SNX6: variants seen among roughly 807,000 people sequenced by gnomAD.
SNX6 encodes the protein sorting nexin-6.
SNX6 carries 34 observed loss-of-function variants against 63.0 expected under a neutral mutation model. The ratio of observed to expected loss-of-function variants is 0.54; its 90% CI spans 0.41 to 0.72. The LOEUF (loss-of-function observed/expected upper bound fraction) is 0.72. SNX6 is among the 30% of genes least tolerant of loss of function. SNX6 has a pLI of 0.00. For missense variants in SNX6, 398 were observed against 471.4 expected (o/e 0.84, Z 1.44); for synonymous variants, 170 against 164.2 (o/e 1.04, Z -0.27).
chr14:34,601,071 C>T (rs953114669), intron 6 of SNX6, among the ~76,000 whole-genome samples: 2 of 151,836 alleles, frequency 1.3e-5, no homozygotes, highest in Non-Finnish European at 2.9e-5. Flanking sequence ...GTGATCAGCA[C>T]CAATGGTCAG....
intron 7 of SNX6, among the ~76,000 whole-genome samples, chr14:34,593,493 G>C (rs1466311146): frequency 6.6e-6 from 1 of 151,280 alleles, no homozygotes; most frequent in African/African-American, 2.4e-5. Flanking sequence ...TCTGCCTCCC[G>C]GGTTCAAGCG....
At chr14:34,596,147 G>A (rs1882587644) in intron 7 of SNX6, among the ~76,000 whole-genome samples, 1 of 151,814 alleles carries the variant, frequency 6.6e-6, no homozygotes, top group South Asian at 2.1e-4. Context: ...AACCCAGGAG[G>A]CGGAGTTTGC....
intron 2 of SNX6, chr14:34,629,483 G>A (rs1486015931): frequency 2.1e-6 from 1 of 478,754 alleles, no homozygotes. Context: ...GAGACAGAAG[G>A]GTGGGCGGGA....
chr14:34,568,932 G>A, intron 11 of SNX6: 1 of 1,319,118 alleles, frequency 7.6e-7, no homozygotes, highest in Middle Eastern at 1.9e-4. Flanking sequence ...CACCCCAGAG[G>A]TACAGGTGCC....
chr14:34,575,588 C>T lies in SNX6; in HGVS notation c.921+168G>A, dbSNP rs533364612. 1.6e-5 allele frequency: 5 copies of T among 319,764 alleles called. No homozygotes were observed. In the South Asian group the frequency reaches 2.6e-4, roughly 17 times the overall value. The allele number at this position is 319,764 out of a possible 1,614,324, so 19.8% of individuals were successfully genotyped here. A position where few individuals can be genotyped will look rare whatever the true frequency, so the allele number is the denominator to read the frequency against. On this transcript the variant is annotated intron_variant, in intron 11 of 13. Transcript: ENST00000362031. ...TAGGGTTTCCCACATGAAATATGTACAATTATACACATATATACAATTTCT... is the reference window on the plus strand; with the variant it reads ...TAGGGTTTCCCACATGAAATATGTATAATTATACACATATATACAATTTCT...
At chr14:34,599,602 T>C (rs1882727938) in intron 6 of SNX6, among the ~76,000 whole-genome samples, 1 of 147,218 alleles carries the variant, frequency 6.8e-6, no homozygotes, top group East Asian at 2.0e-4. Flanking sequence ...AGCGAAACTC[T>C]GTCTAAAAAA....
At chr14:34,567,653 A>G in intron 13 of SNX6, 33 bp downstream of exon 13, 1 of 1,507,938 alleles carries the variant, frequency 6.6e-7, no homozygotes. Context: ...ATTACATGTA[A>G]CTTAAATTAT....
chr14:34,569,161 G>C (rs1881328873), intron 11 of SNX6: 1 of 763,966 alleles, frequency 1.3e-6, no homozygotes, highest in South Asian at 1.4e-5. Flanking sequence ...TGCCAGCCAG[G>C]GGAAAGGGCT....
At chr14:34,569,074 GC>G in intron 11 of SNX6, 2 of 1,141,554 alleles carry the variant, frequency 1.8e-6, no homozygotes, top group Non-Finnish European at 1.3e-6. Context: ...GAGGAAGGCT[GC>G]CAGAGCTCTG....
At chr14:34,605,829 C>T in intron 4 of SNX6, 112 bp from the exon 5 acceptor site, 1 of 1,317,538 alleles carries the variant, frequency 7.6e-7, no homozygotes, top group Non-Finnish European at 1.0e-6. Context: ...CCAGAATGAG[C>T]TGAACACCAG....
intron 2 of SNX6, among the ~76,000 whole-genome samples, chr14:34,615,239 T>A (rs1883374195): frequency 6.6e-6 from 1 of 152,176 alleles, no homozygotes; most frequent in South Asian, 2.1e-4. Context: ...TATTTTGGCA[T>A]AATTTACATA....
At chr14:34,628,237 A>G (rs557008196) in intron 2 of SNX6, among the ~76,000 whole-genome samples, 44 of 152,208 alleles carry the variant, frequency 2.9e-4, no homozygotes, top group African/African-American at 8.9e-4. Context: ...GGGTGGGTAG[A>G]TCACGAGGTC....
rs1389206394 is a variant in SNX6, at chr14:34,584,725, T to C, written c.794+1505A>G. Reference sequence around the variant, plus strand: ...ACACAAATCAGCCCATTTTCATAAATAAAACACAGTTGGGGAGGAAGAAAA... The same window carrying C: ...ACACAAATCAGCCCATTTTCATAAACAAAACACAGTTGGGGAGGAAGAAAA... On this transcript the variant is annotated intron_variant, in intron 9 of 13. Coordinates refer to ENST00000362031, the MANE Select transcript of SNX6 (RefSeq NM_152233.4). 2.0e-5 allele frequency among the ~76,000 whole-genome samples: 3 copies of C among 151,332 alleles called. No homozygotes were observed. The East Asian group carries it at 5.8e-4, about 29-fold the overall frequency.
rs150723878 is a variant in SNX6, at chr14:34,579,445, CCT to C, written c.834+2114_834+2115del. ...CAGCCTGAGCAATGTAGTGAGACTC[CCT>C]CTCTACAAAAATTAGCCAGGCATGG... is the stretch of plus-strand genomic sequence containing the variant. On this transcript the variant is annotated intron_variant, in intron 10 of 13. Coordinates refer to ENST00000362031, the MANE Select transcript of SNX6 (RefSeq NM_152233.4). Among the ~76,000 whole-genome samples, 8 of 150,910 alleles carry C rather than the reference CCT, an allele frequency of 5.3e-5. No individual in the cohort carries two copies. The East Asian group carries it at 1.6e-3, about 30-fold the overall frequency.
At chr14:34,630,013 G>C in intron 1 of SNX6, 59 bp from the exon 2 acceptor site, 3 of 1,496,142 alleles carry the variant, frequency 2.0e-6, no homozygotes, top group Non-Finnish European at 2.7e-6. Flanking sequence ...GAGACACAAA[G>C]GGAGACATTA....
At chr14:34,588,536 T>G (rs1440911555) in intron 8 of SNX6, among the ~76,000 whole-genome samples, 1 of 152,092 alleles carries the variant, frequency 6.6e-6, no homozygotes, top group Non-Finnish European at 1.5e-5. Flanking sequence ...CAGGTTTGAG[T>G]CACTGTCTCC....
chr14:34,563,020 T>A lies in SNX6; in HGVS notation c.*102A>T. 2.5e-6 allele frequency: 3 copies of A among 1,217,460 alleles called. No individual in the cohort carries two copies. Among genetic ancestry groups the A allele is most frequent in the South Asian group, 2.6e-5 (2 of 77,632 alleles). The allele number at this position is 1,217,460 out of a possible 1,614,324, so 75.4% of individuals were successfully genotyped here. On this transcript the variant is annotated 3_prime_UTR_variant, in exon 14 of 14. Coordinates refer to ENST00000362031, the MANE Select transcript of SNX6 (RefSeq NM_152233.4). ...GAGTTGATGCACTTTTTCAGCTGCTTTTTGTTTGTTTCCAGTGAGCATAAA... is the reference window on the plus strand; with the variant it reads ...GAGTTGATGCACTTTTTCAGCTGCTATTTGTTTGTTTCCAGTGAGCATAAA...
chr14:34,575,744 G>T lies in SNX6; in HGVS notation c.921+12C>A. The T allele has an allele frequency of 6.7e-7, 1 of 1,498,388 alleles. No individual in the cohort carries two copies. The highest frequency in any genetic ancestry group is 9.1e-7 in the Non-Finnish European group (1 of 1,100,254). 92.8% of individuals were successfully genotyped at this position (1,498,388 alleles called of 1,614,324 possible). Reference sequence around the variant, plus strand: ...TTGTAAAATGGCTCATTTAAAAAAAGATTAAAATTACCTTAGCAGCTTGAG... The same window carrying T: ...TTGTAAAATGGCTCATTTAAAAAAATATTAAAATTACCTTAGCAGCTTGAG... On this transcript the variant is annotated intron_variant, in intron 11 of 13. Coordinates refer to ENST00000362031, the MANE Select transcript of SNX6 (RefSeq NM_152233.4).
chr14:34,568,923 A>AC, intron 11 of SNX6: 1 of 1,299,340 alleles, frequency 7.7e-7, no homozygotes. Context: ...CCCCAGCGCC[A>AC]CCCCAGAGGT....
Sources: allele counts gnomAD v4.1 joint callset (sites outside exome capture counted in the v4.1 genomes callset), GRCh38; gene constraint gnomAD v4.1.1; transcripts MANE v1.5; gene names NCBI Gene and HGNC (gene_info 2026-07-23, HGNC 2026-07-21).